CMIP: variants seen among roughly 807,000 people sequenced by gnomAD.
CMIP encodes c-Maf inducing protein.
CMIP carries 13 observed loss-of-function variants against 97.3 expected under a neutral mutation model. That is an observed-to-expected ratio of 0.13 (90% CI 0.09 to 0.21). CMIP has a LOEUF of 0.21. CMIP is among the 10% of genes least tolerant of loss of function. The pLI, the probability that CMIP is intolerant of heterozygous loss-of-function variation, is 1.00. For synonymous variants in CMIP, 538 were observed against 436.3 expected (o/e 1.23, Z -2.91); for missense variants, 847 against 1,024.9 (o/e 0.83, Z 2.37).
intron 10 of CMIP, among the ~76,000 whole-genome samples, chr16:81,682,293 G>T (rs1038839194): frequency 6.6e-6 from 1 of 152,128 alleles, no homozygotes; most frequent in East Asian, 1.9e-4. Context: ...AGCCAGGCTC[G>T]GTGGCTCACA....
At chr16:81,693,334 C>T (rs760309438) in intron 12 of CMIP, 105 bp from the exon 13 acceptor site, 1 of 1,496,212 alleles carries the variant, frequency 6.7e-7, no homozygotes, top group African/African-American at 1.4e-5. Flanking sequence ...ACCGCCTTGC[C>T]CAGCTCCCTG....
chr16:81,633,189 G>A (rs964854080), intron 3 of CMIP, among the ~76,000 whole-genome samples: 6 of 152,230 alleles, frequency 3.9e-5, no homozygotes, highest in African/African-American at 9.6e-5. Context: ...GAGAGGCAGC[G>A]TCTTGATGAG....
At position 81,614,745 on chromosome 16, in the gene CMIP, GTGTA is replaced by G. The variant is rs770336134; in HGVS notation, c.427-6127_427-6124del. On this transcript the variant is annotated intron_variant, in intron 2 of 20. Transcript: ENST00000537098. This position sits in a 1 kb window ranked among gnomAD's most constrained non-coding sequence, Gnocchi z 5.3. ...CGTACACATGTGTGTCTCTGTGAGT[GTGTA>G]TGTGTCTATGTCTGTGGTGTGTGTG... 1.3e-5 allele frequency among the ~76,000 whole-genome samples: 2 copies of G among 151,856 alleles called. No individual in the cohort carries two copies. The highest frequency in any genetic ancestry group is 2.4e-5 in the African/African-American group (1 of 41,312).
intron 1 of CMIP, among the ~76,000 whole-genome samples, chr16:81,497,681 G>A (rs1448703877): frequency 6.6e-6 from 1 of 152,214 alleles, no homozygotes. Context: ...AATCCCACAG[G>A]ACTCGCATAG....
chr16:81,587,500 G>A (rs575688838), intron 1 of CMIP, among the ~76,000 whole-genome samples: 1 of 152,320 alleles, frequency 6.6e-6, no homozygotes. Flanking sequence ...CCCAGCTGCT[G>A]CACAGATTGC....
chr16:81,482,543 G>T (rs555821960), intron 1 of CMIP, among the ~76,000 whole-genome samples: 1 of 152,296 alleles, frequency 6.6e-6, no homozygotes, highest in South Asian at 2.1e-4. Context: ...AGCTTCTGGA[G>T]AGAGGACCTC....
chr16:81,691,920 C>CTT, intron 11 of CMIP, 80 bp downstream of exon 11: 5 of 1,247,532 alleles, frequency 4.0e-6, no homozygotes, highest in Non-Finnish European at 4.7e-6. Flanking sequence ...AGTGGGGGGC[C>CTT]AGTCATGTTA....
intron 1 of CMIP, among the ~76,000 whole-genome samples, chr16:81,528,711 T>C (rs2090177518): frequency 6.6e-6 from 1 of 152,206 alleles, no homozygotes; most frequent in South Asian, 2.1e-4. Flanking sequence ...TTCTTCCTCA[T>C]GTTGTTAACT....
At chr16:81,450,052 C>T (rs1394392141) in intron 1 of CMIP, among the ~76,000 whole-genome samples, 2 of 152,162 alleles carry the variant, frequency 1.3e-5, no homozygotes, top group Non-Finnish European at 2.9e-5. Context: ...ACTGATGTGG[C>T]GGCCCTGCCT....
At chr16:81,489,980 T>G (rs971787948) in intron 1 of CMIP, among the ~76,000 whole-genome samples, 5 of 152,216 alleles carry the variant, frequency 3.3e-5, no homozygotes, top group African/African-American at 9.6e-5. Flanking sequence ...TCTTGATATC[T>G]TCTCAGTACC....
At chr16:81,450,385 T>C (rs1906134582) in intron 1 of CMIP, among the ~76,000 whole-genome samples, 1 of 152,208 alleles carries the variant, frequency 6.6e-6, no homozygotes, top group African/African-American at 2.4e-5. Flanking sequence ...GTTTCCTGGC[T>C]GTGTGACTTT....
chr16:81,656,302 C>A (rs904454822), intron 4 of CMIP, among the ~76,000 whole-genome samples: 2 of 152,186 alleles, frequency 1.3e-5, no homozygotes, highest in African/African-American at 4.8e-5. Flanking sequence ...CATTAGATAC[C>A]CCCATATGCC....
At chr16:81,558,169 C>T (rs2090804776) in intron 1 of CMIP, among the ~76,000 whole-genome samples, 1 of 152,166 alleles carries the variant, frequency 6.6e-6, no homozygotes, top group Non-Finnish European at 1.5e-5. Flanking sequence ...TATGCTGCAC[C>T]ATGCTTCTCC....
In CMIP at chr16:81,711,712, A is replaced by G. The variant is rs747697643; in HGVS notation, c.*1913A>G. On this transcript the variant is annotated 3_prime_UTR_variant, in exon 21 of 21. Coordinates refer to ENST00000537098, the MANE Select transcript of CMIP (RefSeq NM_198390.3). ...TACTACTGTCACGTAGCTGTGTACA[A>G]AGAGATGTGAAATACTTTCAGGCAA... The G allele has an allele frequency of 5.9e-5, 9 of 152,564 alleles. No homozygotes were observed. The highest frequency in any genetic ancestry group is 1.2e-4 in the Non-Finnish European group (8 of 68,034). The allele number at this position is 152,564 out of a possible 1,614,324, so 9.5% of individuals were successfully genotyped here.
chr16:81,656,969 C>T (rs961249024), intron 4 of CMIP, among the ~76,000 whole-genome samples: 1 of 151,774 alleles, frequency 6.6e-6, no homozygotes, highest in Non-Finnish European at 1.5e-5. Flanking sequence ...TCAAAGGAAA[C>T]GTTCATTGGA....
intron 4 of CMIP, among the ~76,000 whole-genome samples, chr16:81,656,824 G>A (rs189015374): frequency 6.6e-6 from 1 of 152,150 alleles, no homozygotes; most frequent in Non-Finnish European, 1.5e-5. Flanking sequence ...GTTTCACCAT[G>A]TTGGCCAGGC....
chr16:81,480,900 A>G (rs2927322), intron 1 of CMIP, among the ~76,000 whole-genome samples: 116,426 of 152,066 alleles, frequency 0.77, 45,108 homozygotes, highest in African/African-American at 0.88. Context: ...CAGAGTGGGA[A>G]AGAAGCCTGT....
intron 1 of CMIP, among the ~76,000 whole-genome samples, chr16:81,574,978 C>G (rs1399489206): frequency 6.6e-6 from 1 of 152,206 alleles, no homozygotes; most frequent in Non-Finnish European, 1.5e-5. Context: ...TCATTCCTAC[C>G]TCATTTCATC....
At chr16:81,581,281 C>T (rs928151487) in intron 1 of CMIP, among the ~76,000 whole-genome samples, 13 of 152,104 alleles carry the variant, frequency 8.5e-5, no homozygotes, top group Admixed American at 2.0e-4. Flanking sequence ...GATGGGGATA[C>T]GTTCCGGGAA....
Sources: allele counts gnomAD v4.1 joint callset (sites outside exome capture counted in the v4.1 genomes callset), GRCh38; gene constraint gnomAD v4.1.1; non-coding constraint Gnocchi (gnomAD v3.1); transcripts MANE v1.5; gene names NCBI Gene and HGNC (gene_info 2026-07-23, HGNC 2026-07-21).